Variants in LAMP2 observed in about 807,000 individuals in gnomAD.
The protein encoded by LAMP2 is lysosome associated membrane protein 2.
Under a neutral mutation model 25.6 loss-of-function variants are expected in LAMP2, and 4 were observed. The observed-to-expected ratio is 0.16, with a 90% confidence interval of 0.08 to 0.36. The LOEUF (loss-of-function observed/expected upper bound fraction) is 0.36. LAMP2 is among the 10% of genes least tolerant of loss of function. LAMP2 has a pLI of 1.00. For missense variants in LAMP2, 272 were observed against 301.4 expected, an observed-to-expected ratio of 0.90 and a Z score of 0.72; for synonymous variants, 108 against 112.7, an observed-to-expected ratio of 0.96 and a Z score of 0.27.
At chrX:120,441,407 G>T (rs779564500) in intron 8 of LAMP2, among the ~76,000 whole-genome samples, 1 of 111,972 alleles carries the variant, frequency 8.9e-6, no homozygotes, top group Admixed American at 9.5e-5. Flanking sequence ...GTGAGAAGAC[G>T]GCCTCAGGAA....
At position 120,428,951 on chromosome X, in the gene LAMP2, CTGTG is replaced by C. The variant is rs1288525214; in HGVS notation, c.*2368_*2371del. The stretch of plus-strand genomic sequence containing the variant: ...CATCATCTACACTTAAAACCACTGC[CTGTG>C]TATTTCCCTACTCTCTTTCTCTTCG... On this transcript the variant is annotated 3_prime_UTR_variant, in exon 9 of 9. Coordinates refer to ENST00000200639, the MANE Select transcript of LAMP2 (RefSeq NM_002294.3). 1 of 731,229 alleles carries C rather than the reference CTGTG, an allele frequency of 1.4e-6. No homozygotes were observed. The highest frequency in any genetic ancestry group is 1.6e-6 in the Non-Finnish European group (1 of 621,377). The allele number at this position is 731,229 out of a possible 1,213,427, so 60.3% of individuals were successfully genotyped here.
intron 6 of LAMP2, among the ~76,000 whole-genome samples, chrX:120,443,745 T>C (rs1356966381): frequency 9.0e-6 from 1 of 111,484 alleles, no homozygotes; most frequent in East Asian, 2.8e-4. Flanking sequence ...AGAGAAACAT[T>C]GTGAGGCAGG....
chrX:120,455,566 G>A lies in LAMP2; in HGVS notation c.188C>T (p.Thr63Ile), dbSNP rs1358581771. 2.1e-5 allele frequency: 25 copies of A among 1,201,086 alleles called. No individual in the cohort carries two copies. The highest frequency in any genetic ancestry group is 1.8e-5 in the Non-Finnish European group (16 of 886,221). The change falls in exon 3 of 9, where the codon ACT (threonine) becomes ATT (isoleucine). Residue 63 changes from threonine to isoleucine, a missense_variant. Coordinates refer to ENST00000200639, the MANE Select transcript of LAMP2 (RefSeq NM_002294.3). The stretch of plus-strand genomic sequence containing the variant: ...AGTGCCATGGTCTGAAATGGTTACA[G>A]TTTTCTAAAAGAAATAGAAATTTGG... ...RYETTNKTYK[T>I]VTISDHGTVT...
chrX:120,432,311 G>A (rs1014702037), intron 8 of LAMP2, among the ~76,000 whole-genome samples: 1 of 110,924 alleles, frequency 9.0e-6, no homozygotes, highest in Non-Finnish European at 1.9e-5. Context: ...GGATCAAAAG[G>A]TATTTTTGGC....
intron 1 of LAMP2, among the ~76,000 whole-genome samples, chrX:120,459,242 T>C (rs1921224522): frequency 1.8e-5 from 2 of 112,135 alleles, no homozygotes; most frequent in African/African-American, 6.5e-5. Flanking sequence ...TTTTGCTCGC[T>C]TTTTGGCTGC....
intron 6 of LAMP2, 87 bp from the exon 7 acceptor site, chrX:120,442,749 A>G (rs1473951377): frequency 1.8e-5 from 12 of 675,470 alleles, no homozygotes; most frequent in Non-Finnish European, 2.7e-5. Flanking sequence ...AAGAAAAGCA[A>G]TCTAACACTA....
chrX:120,456,653 A>C lies in LAMP2; in HGVS notation c.181T>G (p.Tyr61Asp). 1 of 1,004,500 alleles carries C rather than the reference A, an allele frequency of 1.0e-6. No homozygotes were observed. Among genetic ancestry groups the C allele is most frequent in the Non-Finnish European group, 1.4e-6 (1 of 716,768 alleles). The allele number at this position is 1,004,500 out of a possible 1,213,427, so 82.8% of individuals were successfully genotyped here. ...GAAAAATTAAAATATATACTTACAT[A>C]AGTTTTATTTGTAGTTTCATAGCGT... ...TVRYETTNKT[Y>D]KTVTISDHGT... Residue 61 changes from tyrosine (Y) to aspartate (D), a missense_variant and splice_region_variant, in exon 2 of 9, where the codon TAT becomes GAT. Tyr to Asp is a radical substitution (Grantham distance 160). Transcript: ENST00000200639.
At chrX:120,464,820 C>G (rs1012617296) in intron 1 of LAMP2, among the ~76,000 whole-genome samples, 1 of 111,830 alleles carries the variant, frequency 8.9e-6, no homozygotes, top group Non-Finnish European at 1.9e-5. Context: ...GGCATGATCT[C>G]GGCTCACTGC....
chrX:120,447,350 G>T lies in LAMP2; in HGVS notation c.741+491C>A, dbSNP rs747591063. 2.6e-3 allele frequency among the ~76,000 whole-genome samples: 286 copies of T among 110,539 alleles called. 3 individuals carry two copies. Among genetic ancestry groups the T allele is most frequent in the African/African-American group, 9.1e-3 (277 of 30,311 alleles). On this transcript the variant is annotated intron_variant, in intron 5 of 8. Transcript: ENST00000200639. ...TTAAACCCTGGAGGCGGAGGTTGCA[G>T]TGAGCCAAGATCATGCCACTGCACT...
In LAMP2 at chrX:120,429,235, A is replaced by G. The variant is rs780826840; in HGVS notation, c.*2088T>C. The G allele has an allele frequency of 1.5e-5, 11 of 745,715 alleles. No homozygotes were observed. Among genetic ancestry groups the G allele is most frequent in the Admixed American group, 1.9e-4 (2 of 10,651 alleles). The allele number at this position is 745,715 out of a possible 1,213,427, so 61.5% of individuals were successfully genotyped here. ...GCCTGGAAGAATAACAGCAGTATCT[A>G]ATGCGTTGCAGTCCATTCCACCGAA... On this transcript the variant is annotated 3_prime_UTR_variant, in exon 9 of 9. Coordinates refer to ENST00000200639, the MANE Select transcript of LAMP2 (RefSeq NM_002294.3).
At chrX:120,445,162 G>A (rs776524827) in intron 6 of LAMP2, among the ~76,000 whole-genome samples, 4 of 111,762 alleles carry the variant, frequency 3.6e-5, no homozygotes, top group Non-Finnish European at 5.6e-5. Flanking sequence ...ACCCCTATTA[G>A]GTAACTTTAA....
chrX:120,460,140 G>A (rs1218531882), intron 1 of LAMP2, among the ~76,000 whole-genome samples: 1 of 110,508 alleles, frequency 9.0e-6, no homozygotes, highest in Non-Finnish European at 1.9e-5. Flanking sequence ...GGGCTTGGTG[G>A]TGGTCACCTA....
At chrX:120,453,533 C>T (rs1269473915) in intron 3 of LAMP2, among the ~76,000 whole-genome samples, 1 of 111,991 alleles carries the variant, frequency 8.9e-6, no homozygotes, top group African/African-American at 3.2e-5. Flanking sequence ...ATCTCGACCA[C>T]GTGCGGTGGC....
chrX:120,434,894 C>T (rs754883468), intron 8 of LAMP2, among the ~76,000 whole-genome samples: 40 of 111,658 alleles, frequency 3.6e-4, no homozygotes, highest in African/African-American at 9.8e-4. Context: ...TTCAGGAGGT[C>T]GAGGTAGGCA....
In LAMP2 at chrX:120,426,987, T is replaced by C. The variant is rs2058501493; in HGVS notation, c.*4336A>G. 8.9e-6 allele frequency among the ~76,000 whole-genome samples: 1 copy of C among 111,764 alleles called. No homozygotes were observed. The highest frequency in any genetic ancestry group is 1.9e-5 in the Non-Finnish European group (1 of 53,183). ...TAGAGAAGGCAGTAAAGAAAGATCTTGATAAATTTTCTTTAACAAAAATTT... is the reference window on the plus strand; with the variant it reads ...TAGAGAAGGCAGTAAAGAAAGATCTCGATAAATTTTCTTTAACAAAAATTT... On this transcript the variant is annotated 3_prime_UTR_variant, in exon 9 of 9. Coordinates refer to ENST00000200639, the MANE Select transcript of LAMP2 (RefSeq NM_002294.3).
intron 1 of LAMP2, among the ~76,000 whole-genome samples, chrX:120,463,916 T>G (rs746045074): frequency 1.0e-4 from 11 of 105,526 alleles, no homozygotes; most frequent in African/African-American, 2.1e-4. Context: ...CTGTTTTTCG[T>G]TTTTTTTTTG....
chrX:120,448,061 C>T (rs376616562), intron 4 of LAMP2, 36 bp from the exon 5 acceptor site: 53 of 1,176,791 alleles, frequency 4.5e-5, no homozygotes, highest in Non-Finnish European at 5.3e-5. Context: ...GAAACCAAAG[C>T]GGACATTTTC....
At chrX:120,443,578 A>G (rs2058583128) in intron 6 of LAMP2, among the ~76,000 whole-genome samples, 1 of 111,512 alleles carries the variant, frequency 9.0e-6, no homozygotes, top group Non-Finnish European at 1.9e-5. Flanking sequence ...CAAGAAGTGC[A>G]CAGAGGACAG....
In LAMP2 at chrX:120,428,732, T is replaced by C. The variant is rs2058508762; in HGVS notation, c.*2591A>G. 9.4e-7 allele frequency: 1 copy of C among 1,066,868 alleles called. No homozygotes were observed. Among genetic ancestry groups the C allele is most frequent in the African/African-American group, 2.0e-5 (1 of 49,535 alleles). The allele number at this position is 1,066,868 out of a possible 1,213,427, so 87.9% of individuals were successfully genotyped here. On this transcript the variant is annotated 3_prime_UTR_variant, in exon 9 of 9. Coordinates refer to ENST00000200639, the MANE Select transcript of LAMP2 (RefSeq NM_002294.3). ...CATTTTGAAAGTGTACATAGCTTAG[T>C]TTTTTATAGCATTACCTCTATTTTC...
Sources: gnomAD v4.1 joint callset for allele counts (sites outside exome capture counted in the v4.1 genomes callset) on GRCh38, gnomAD v4.1.1 for gene constraint, MANE v1.5 for transcripts, NCBI Gene and HGNC (gene_info 2026-07-23, HGNC 2026-07-21) for gene names.